DYNLT1: variants seen among roughly 807,000 people sequenced by gnomAD.
DYNLT1 encodes the protein T-complex testis-specific protein 1 homolog.
Under a neutral mutation model 19.6 loss-of-function variants are expected in DYNLT1, and 18 were observed. The ratio of observed to expected loss-of-function variants is 0.92; its 90% CI spans 0.64 to 1.36. The LOEUF (loss-of-function observed/expected upper bound fraction) is 1.36, where lower values mean the gene tolerates loss of function less well. DYNLT1 is among the 40% of genes most tolerant of loss of function. The probability of loss-of-function intolerance (pLI) is 0.00; values close to 1 mark genes in which losing one functional copy is unlikely to be tolerated. For synonymous variants in DYNLT1, 56 were observed against 44.0 expected, an observed-to-expected ratio of 1.27 and a Z score of -1.07; for missense variants, 137 against 139.3, an observed-to-expected ratio of 0.98 and a Z score of 0.08.
chr6:158,641,358 A>G lies in DYNLT1; in HGVS notation c.30T>C (p.Thr10=). 1 of 1,595,690 alleles carries G rather than the reference A, an allele frequency of 6.3e-7. No individual in the cohort carries two copies. Among genetic ancestry groups the G allele is most frequent in the East Asian group, 2.3e-5 (1 of 44,148 alleles). MEDYQAAEE[T]AFVVDEVSNI... ...TGCTCACTTCATCAACAACAAAAGCAGTCTGTAAGGAAGAACATTCAGTTA... is the reference window on the plus strand; with the variant it reads ...TGCTCACTTCATCAACAACAAAAGCGGTCTGTAAGGAAGAACATTCAGTTA... The change falls in exon 2 of 5, where the codon ACT becomes ACC. Residue 10 remains threonine (T), a splice_region_variant and synonymous_variant. Transcript: ENST00000367089.
rs780553228 is a variant in DYNLT1, at chr6:158,637,189, C to T, written c.210G>A (p.Met70Ile). The change falls in exon 4 of 5, where the codon ATG becomes ATA. Residue 70 changes from methionine (M) to isoleucine (I), a missense_variant. Coordinates refer to ENST00000367089, the MANE Select transcript of DYNLT1 (RefSeq NM_006519.4). ...PFKYIVTCVIMQKNGAGLHTA... is the reference protein window; with the variant it reads ...PFKYIVTCVIIQKNGAGLHTA... ...TGTGTAATCCAGCTCCATTCTTCTG[C>T]ATAATTACACAGGTCACTTAAGTTA... 8 of 1,614,040 alleles carry T rather than the reference C, an allele frequency of 5.0e-6. No individual in the cohort carries two copies. The Admixed American group carries it at 1.2e-4, about 24-fold the overall frequency.
At chr6:158,644,456 AAGAAG>A (rs1787291691) in intron 1 of DYNLT1, among the ~76,000 whole-genome samples, 1 of 152,070 alleles carries the variant, frequency 6.6e-6, no homozygotes, top group South Asian at 2.1e-4. Flanking sequence ...CCCGCGCGGG[AAGAAG>A]CTCAATCCCC....
chr6:158,642,746 G>A (rs1787163690), intron 1 of DYNLT1: 1 of 152,192 alleles, frequency 6.6e-6, no homozygotes, highest in African/African-American at 2.4e-5. Context: ...TAATCACAAA[G>A]GAAAGGCACT....
chr6:158,643,907 G>A (rs1362585002), intron 1 of DYNLT1, among the ~76,000 whole-genome samples: 2 of 152,024 alleles, frequency 1.3e-5, no homozygotes, highest in African/African-American at 2.4e-5. Flanking sequence ...TCAGTAAGAA[G>A]AAAATGAGTG....
chr6:158,640,721 C>T (rs1311198423), intron 2 of DYNLT1, among the ~76,000 whole-genome samples: 1 of 152,218 alleles, frequency 6.6e-6, no homozygotes, highest in Non-Finnish European at 1.5e-5. Context: ...GCACTTACCA[C>T]ACAGCAAATG....
chr6:158,644,737 C>T lies in DYNLT1; in HGVS notation c.-29G>A, dbSNP rs1289736782. 6.2e-7 allele frequency: 1 copy of T among 1,608,700 alleles called. No individual in the cohort carries two copies. The highest frequency in any genetic ancestry group is 1.1e-5 in the South Asian group (1 of 91,006). ...TCCTCCGGCGCGTCCCCTCCGGCTC[C>T]CTGAGTGGCGCGGACTGCGCAGGCG... On this transcript the variant is annotated 5_prime_UTR_variant, in exon 1 of 5. Transcript: ENST00000367089.
rs1373840008 is a variant in DYNLT1, at chr6:158,637,914, G to C, written c.70-20C>G. 6.3e-7 allele frequency: 1 copy of C among 1,599,154 alleles called. No homozygotes were observed. Among genetic ancestry groups the C allele is most frequent in the African/African-American group, 1.3e-5 (1 of 75,024 alleles). ...TATAGCCTAGAAAACAAAGCACAAA[G>C]CGCGTCCCGGTTAACCAAATGCACC... On this transcript the variant is annotated intron_variant, in intron 2 of 4. Coordinates refer to ENST00000367089, the MANE Select transcript of DYNLT1 (RefSeq NM_006519.4).
intron 2 of DYNLT1, among the ~76,000 whole-genome samples, chr6:158,638,627 G>GT (rs1331541513): frequency 2.0e-5 from 3 of 151,900 alleles, no homozygotes; most frequent in Non-Finnish European, 4.4e-5. Context: ...CGCCTGGCTA[G>GT]TTTTTTGTAG....
intron 2 of DYNLT1, among the ~76,000 whole-genome samples, chr6:158,638,896 T>C (rs35464400): frequency 0.21 from 32,132 of 152,170 alleles, 3,843 homozygotes; most frequent in African/African-American, 0.34. Flanking sequence ...GAGTTTTTCA[T>C]TGTCAGCTCC....
Position 158,637,836 on chromosome 6 carries a change from G to A in DYNLT1, c.128C>T (p.Thr43Ile), listed in dbSNP as rs1787048012. ...AYQHSKVNQWTTNVVEQTLSQ... is the reference protein window; with the variant it reads ...AYQHSKVNQWITNVVEQTLSQ... The stretch of plus-strand genomic sequence containing the variant: ...TAAAGTTTGTTCTACTACATTTGTG[G>A]TCCACTGGTTCACTTTGCTGTGTTG... The change falls in exon 3 of 5, where the codon ACC (threonine) becomes ATC (isoleucine). Residue 43 changes from threonine (T) to isoleucine (I), a missense_variant. Coordinates refer to ENST00000367089, the MANE Select transcript of DYNLT1 (RefSeq NM_006519.4). 1 of 1,611,328 alleles carries A rather than the reference G, an allele frequency of 6.2e-7. No individual in the cohort carries two copies. Among genetic ancestry groups the A allele is most frequent in the African/African-American group, 1.3e-5 (1 of 74,882 alleles).
intron 2 of DYNLT1, among the ~76,000 whole-genome samples, chr6:158,639,435 G>A (rs943318746): frequency 1.3e-5 from 2 of 152,140 alleles, no homozygotes; most frequent in Non-Finnish European, 2.9e-5. Flanking sequence ...GGGAGGCTTT[G>A]TTGAAGGTAA....
At chr6:158,638,134 T>C (rs1020720749) in intron 2 of DYNLT1, among the ~76,000 whole-genome samples, 3 of 152,230 alleles carry the variant, frequency 2.0e-5, no homozygotes, top group African/African-American at 7.2e-5. Context: ...TCACATTTCA[T>C]GTTCACTACT....
Position 158,637,757 on chromosome 6 carries a change from C to A in DYNLT1, c.193+14G>T, listed in dbSNP as rs766508179. The A allele has an allele frequency of 6.2e-7, 1 of 1,614,130 alleles. No homozygotes were observed. Among genetic ancestry groups the A allele is most frequent in the Non-Finnish European group, 8.5e-7 (1 of 1,180,010 alleles). On this transcript the variant is annotated intron_variant, in intron 3 of 4. Transcript: ENST00000367089. The stretch of plus-strand genomic sequence containing the variant: ...AACCATCCCGCAAATATAAAAGAAA[C>A]AAGACTCCATTACCGATGTATTTAA...
rs1787004615 is a variant in DYNLT1 at position 158,636,698 on chromosome 6, G to A, written c.*129C>T. 8.8e-7 allele frequency: 1 copy of A among 1,137,596 alleles called. No homozygotes were observed. Among genetic ancestry groups the A allele is most frequent in the East Asian group, 2.6e-5 (1 of 38,032 alleles). The allele number at this position is 1,137,596 out of a possible 1,614,324, so 70.5% of individuals were successfully genotyped here. A position where few individuals can be genotyped will look rare whatever the true frequency, so the allele number is the denominator to read the frequency against. On this transcript the variant is annotated 3_prime_UTR_variant, in exon 5 of 5. Transcript: ENST00000367089. ...ATTCACATCACAGTGCGGTCATTTG[G>A]TTTTTTCCTCTACATTGTGAAAGTG...
rs142843740 is a variant in DYNLT1 at position 158,637,882 on chromosome 6, C to A, written c.82G>T (p.Ala28Ser). 2.5e-6 allele frequency: 4 copies of A among 1,603,634 alleles called. No individual in the cohort carries two copies. ...TGTTGATAAGCGTTACCACCAATTGCGCTTTCTATAGCCTAGAAAACAAAG... is the reference window on the plus strand; with the variant it reads ...TGTTGATAAGCGTTACCACCAATTGAGCTTTCTATAGCCTAGAAAACAAAG... ...SNIVKEAIES[A>S]IGGNAYQHSK... is the part of the protein sequence containing the mutation. The change falls in exon 3 of 5, where the codon GCA (alanine) becomes TCA (serine). Residue 28 changes from alanine (A) to serine (S), a missense_variant. Ala to Ser is a moderately conservative substitution (Grantham distance 99). Coordinates refer to ENST00000367089, the MANE Select transcript of DYNLT1 (RefSeq NM_006519.4).
chr6:158,638,870 C>A (rs1021712690), intron 2 of DYNLT1, among the ~76,000 whole-genome samples: 24 of 152,110 alleles, frequency 1.6e-4, no homozygotes, highest in Non-Finnish European at 3.1e-4. Context: ...ATGATATTGC[C>A]ATTGTATGAT....
In DYNLT1 at chr6:158,640,590, C is replaced by A. The variant is rs762696200; in HGVS notation, c.69+729G>T. ...ACTTCCCAGTCTCAGGGGGCCTTGT[C>A]CCCTCTTTTTACTGCATTACCCCTA... On this transcript the variant is annotated intron_variant, in intron 2 of 4. Coordinates refer to ENST00000367089, the MANE Select transcript of DYNLT1 (RefSeq NM_006519.4). 1.1e-3 allele frequency among the ~76,000 whole-genome samples: 168 copies of A among 152,230 alleles called. 1 individual carries two copies. Among genetic ancestry groups the A allele is most frequent in the Admixed American group, 2.8e-3 (43 of 15,288 alleles).
At position 158,637,854 on chromosome 6, in the gene DYNLT1, C is replaced by T. The variant is rs1174126995; in HGVS notation, c.110G>A (p.Ser37Asn). The change falls in exon 3 of 5, where the codon AGC becomes AAC. Residue 37 changes from serine to asparagine, a missense_variant. Ser to Asn is a conservative substitution (Grantham distance 46). Coordinates refer to ENST00000367089, the MANE Select transcript of DYNLT1 (RefSeq NM_006519.4). ...SAIGGNAYQHSKVNQWTTNVV... is the reference protein window; with the variant it reads ...SAIGGNAYQHNKVNQWTTNVV... ...ATTTGTGGTCCACTGGTTCACTTTG[C>T]TGTGTTGATAAGCGTTACCACCAAT... 1 of 1,609,064 alleles carries T rather than the reference C, an allele frequency of 6.2e-7. No homozygotes were observed. The highest frequency in any genetic ancestry group is 8.5e-7 in the Non-Finnish European group (1 of 1,180,018).
At chr6:158,637,980 G>A in intron 2 of DYNLT1, 86 bp from the exon 3 acceptor site, 2 of 1,550,124 alleles carry the variant, frequency 1.3e-6, no homozygotes, top group South Asian at 2.3e-5. Context: ...ACCCCAAGAA[G>A]TGATTTATGA....
Sources: gnomAD v4.1 joint callset for allele counts (sites outside exome capture counted in the v4.1 genomes callset) on GRCh38, gnomAD v4.1.1 for gene constraint, MANE v1.5 for transcripts, NCBI Gene and HGNC (gene_info 2026-07-23, HGNC 2026-07-21) for gene names.